The following MEI1 variants were observed in gnomAD, a reference collection of about 807,000 sequenced individuals.
MEI1 encodes meiosis inhibitor protein 1.
MEI1 carries 103 observed loss-of-function variants against 146.2 expected under a neutral mutation model. The ratio of observed to expected loss-of-function variants is 0.70; its 90% CI spans 0.60 to 0.83. The LOEUF (loss-of-function observed/expected upper bound fraction) is 0.83. Among genes scored for constraint, MEI1 ranks in the 40% least tolerant of loss-of-function variants. MEI1 has a pLI of 0.00. For synonymous variants in MEI1, 652 were observed against 628.2 expected, an observed-to-expected ratio of 1.04 and a Z score of -0.57; for missense variants, 1,529 against 1,533.0, an observed-to-expected ratio of 1.00 and a Z score of 0.04.
chr22:41,703,136 ATCT>A (rs953179162), intron 1 of MEI1, among the ~76,000 whole-genome samples, 192 bp from the exon 2 acceptor site: 2 of 152,212 alleles, frequency 1.3e-5, no homozygotes, highest in Admixed American at 6.5e-5. Context: ...CTCATGTATA[ATCT>A]TCTGTATGAA....
intron 2 of MEI1, 33 bp from the exon 3 acceptor site, chr22:41,705,471 A>C: frequency 6.2e-7 from 1 of 1,609,212 alleles, no homozygotes. Flanking sequence ...CGCCCTGCCT[A>C]ACCACCCCTT....
rs143153822 is a variant in MEI1 at position 41,788,248 on chromosome 22, C to T, written c.3345+3465C>T. Among the ~76,000 whole-genome samples, 404 of 151,994 alleles carry T rather than the reference C, an allele frequency of 2.7e-3. 2 individuals carry two copies. Among genetic ancestry groups the T allele is most frequent in the African/African-American group, 9.1e-3 (376 of 41,464 alleles). ...TTCACCATGTTGGCCAGGCTGGTCT[C>T]GAACTCGTGACCTCAAGTGATCCAC... is the stretch of plus-strand genomic sequence containing the variant. On this transcript the variant is annotated intron_variant, in intron 26 of 30. Transcript: ENST00000401548.
chr22:41,769,687 G>A (rs1035194396), intron 19 of MEI1, among the ~76,000 whole-genome samples: 2 of 151,028 alleles, frequency 1.3e-5, no homozygotes. Context: ...GGCCAGGCTG[G>A]TCTCAAACTC....
intron 11 of MEI1, among the ~76,000 whole-genome samples, chr22:41,740,037 G>C (rs559584572): frequency 6.6e-6 from 1 of 151,586 alleles, no homozygotes; most frequent in Non-Finnish European, 1.5e-5. Flanking sequence ...TTTTGGTGGG[G>C]GGGGTGGAGT....
intron 1 of MEI1, among the ~76,000 whole-genome samples, chr22:41,701,948 C>G (rs2068746407): frequency 6.6e-6 from 1 of 152,104 alleles, no homozygotes; most frequent in South Asian, 2.1e-4. Flanking sequence ...AGGACAGTTA[C>G]TTGAAGAGTT....
At chr22:41,765,981 C>G (rs2074826424) in intron 19 of MEI1, among the ~76,000 whole-genome samples, 1 of 149,870 alleles carries the variant, frequency 6.7e-6, no homozygotes, top group South Asian at 2.1e-4. Context: ...ACCTCCGCCT[C>G]CCGGGTTCAT....
chr22:41,717,527 G>T (rs151203666), intron 5 of MEI1, among the ~76,000 whole-genome samples: 3 of 151,924 alleles, frequency 2.0e-5, no homozygotes, highest in African/African-American at 7.2e-5. Flanking sequence ...CAACCTGCTG[G>T]TCTCAAGTGA....
At chr22:41,706,417 A>G (rs1003758765) in intron 3 of MEI1, among the ~76,000 whole-genome samples, 7 of 152,200 alleles carry the variant, frequency 4.6e-5, no homozygotes, top group Admixed American at 3.9e-4. Flanking sequence ...CTAGGAGCTT[A>G]CAATCTGGAG....
At chr22:41,790,085 T>G (rs982264914) in intron 26 of MEI1, among the ~76,000 whole-genome samples, 4 of 152,166 alleles carry the variant, frequency 2.6e-5, no homozygotes, top group South Asian at 4.1e-4. Context: ...TTGTTTGTTT[T>G]TTTGTTTTGT....
At chr22:41,720,580 C>T (rs8137080) in intron 6 of MEI1, among the ~76,000 whole-genome samples, 2,423 of 146,742 alleles carry the variant, frequency 0.017, 48 homozygotes, top group Admixed American at 0.06. Context: ...ACAGCCTGCA[C>T]TACTATGCCT....
chr22:41,731,972 G>C (rs2071903650), intron 9 of MEI1, among the ~76,000 whole-genome samples: 1 of 152,170 alleles, frequency 6.6e-6, no homozygotes, highest in Admixed American at 6.5e-5. Context: ...GCCAAGTGGA[G>C]AAAATATGGC....
intron 19 of MEI1, among the ~76,000 whole-genome samples, chr22:41,763,721 C>G (rs1455442523): frequency 6.6e-6 from 1 of 151,276 alleles, no homozygotes; most frequent in African/African-American, 2.4e-5. Flanking sequence ...GCCAGGAGTT[C>G]AAGACCAGCC....
intron 19 of MEI1, among the ~76,000 whole-genome samples, chr22:41,766,248 A>G (rs191790714): frequency 6.7e-6 from 1 of 148,902 alleles, no homozygotes; most frequent in East Asian, 2.0e-4. Context: ...ATCTCTGCTC[A>G]CTGCAACCTC....
chr22:41,711,973 G>A (rs898931450), intron 3 of MEI1, among the ~76,000 whole-genome samples: 4 of 151,674 alleles, frequency 2.6e-5, no homozygotes, highest in Admixed American at 1.3e-4. Context: ...AGGCCAAGGC[G>A]GGCGGATCAC....
In MEI1 at chr22:41,724,055, G is replaced by A. The variant is rs769937936; in HGVS notation, c.846G>A (p.Leu282=). ...NIEGSSGNTS[L]PLVLKKLLLS... is the part of the protein sequence containing the mutation. ...AAGGGTCATCAGGAAATACCTCACT[G>A]CCTTTGGTGCTCAAAAAGGTAGTTG... is the stretch of plus-strand genomic sequence containing the variant. The change falls in exon 7 of 31, where the codon CTG becomes CTA. Residue 282 remains leucine, a synonymous_variant. Transcript: ENST00000401548. The A allele has an allele frequency of 6.2e-7, 1 of 1,613,894 alleles. No individual in the cohort carries two copies. The highest frequency in any genetic ancestry group is 8.5e-7 in the Non-Finnish European group (1 of 1,179,846).
In MEI1 at chr22:41,705,541, C is replaced by CCT; in HGVS notation, c.339_340dup (p.Cys114SerfsTer13). The CCT allele has an allele frequency of 6.2e-7, 1 of 1,613,358 alleles. No homozygotes were observed. The highest frequency in any genetic ancestry group is 1.1e-5 in the South Asian group (1 of 91,070). On this transcript the variant is annotated frameshift_variant, in exon 3 of 31. Coordinates refer to ENST00000401548, the MANE Select transcript of MEI1 (RefSeq NM_152513.4). LOFTEE classifies it high-confidence loss of function. The stretch of plus-strand genomic sequence containing the variant: ...GCATGGAAGATGGGAGTGTGACAGA[C>CCT]CTCTGTATTGAAGGTAAGTTGAAAC...
intron 23 of MEI1, 143 bp downstream of exon 23, chr22:41,781,537 G>T (rs2075756825): frequency 8.6e-7 from 1 of 1,157,168 alleles, no homozygotes. Context: ...AATAACCTGA[G>T]CTTCTGTTAT....
chr22:41,729,227 G>C (rs1160467284), intron 7 of MEI1, among the ~76,000 whole-genome samples: 7 of 150,368 alleles, frequency 4.7e-5, no homozygotes, highest in African/African-American at 1.7e-4. Flanking sequence ...CCGCTACTCA[G>C]GAGGCTGAAA....
At chr22:41,778,835 C>T (rs761952917) in intron 22 of MEI1, 23 bp downstream of exon 22, 52 of 1,550,794 alleles carry the variant, frequency 3.4e-5, no homozygotes, top group South Asian at 7.0e-5. Context: ...CTTGGGATAG[C>T]GCCCAAGGGC....
Sources: allele counts gnomAD v4.1 joint callset (sites outside exome capture counted in the v4.1 genomes callset), GRCh38; gene constraint gnomAD v4.1.1; transcripts MANE v1.5; gene names NCBI Gene and HGNC (gene_info 2026-07-23, HGNC 2026-07-21).